Variants in SMG6 observed in about 807,000 individuals in gnomAD.
The protein encoded by SMG6 is SMG6 nonsense mediated mRNA decay factor.
Under a neutral mutation model 142.2 loss-of-function variants are expected in SMG6, and 66 were observed. That is an observed-to-expected ratio of 0.46 (90% confidence interval 0.38 to 0.57). The LOEUF is 0.57. SMG6 is among the 20% of genes least tolerant of loss of function. The probability of loss-of-function intolerance (pLI) is 0.00; values close to 1 mark genes in which losing one functional copy is unlikely to be tolerated. For synonymous variants in SMG6, 779 were observed against 702.4 expected, an observed-to-expected ratio of 1.11 and a Z score of -1.72; for missense variants, 1,793 against 1,832.0, an observed-to-expected ratio of 0.98 and a Z score of 0.39.
chr17:2,249,181 C>T (rs1421848620), intron 8 of SMG6, among the ~76,000 whole-genome samples: 1 of 152,130 alleles, frequency 6.6e-6, no homozygotes, highest in Non-Finnish European at 1.5e-5. Flanking sequence ...GCGTGAGCCA[C>T]CGCGAGAACT....
At chr17:2,125,723 C>T (rs1044138659) in intron 13 of SMG6, among the ~76,000 whole-genome samples, 4 of 152,106 alleles carry the variant, frequency 2.6e-5, no homozygotes, top group African/African-American at 4.8e-5. Flanking sequence ...GAGGCCAAAG[C>T]GGGCAGATTG....
rs552295262 is a variant in SMG6, at chr17:2,093,699, A to T, written c.3358-7798T>A. 5.8e-4 allele frequency among the ~76,000 whole-genome samples: 88 copies of T among 152,242 alleles called. No individual in the cohort carries two copies. In the East Asian group the frequency reaches 0.011, roughly 20 times the overall value. On this transcript the variant is annotated intron_variant, in intron 13 of 18. Transcript: ENST00000263073. Reference sequence around the variant, plus strand: ...TGAAGCTGCAAAAAAAATTTTTTTTAAATTTGTCCAGGCTGGAGTTTGCAG... The same window carrying T: ...TGAAGCTGCAAAAAAAATTTTTTTTTAATTTGTCCAGGCTGGAGTTTGCAG...
chr17:2,186,545 A>T (rs2151687987), intron 12 of SMG6, 118 bp downstream of exon 12: 2 of 1,193,278 alleles, frequency 1.7e-6, no homozygotes, highest in Middle Eastern at 5.5e-4. Flanking sequence ...AATAAAGAAG[A>T]AATAGAGAGG....
intron 15 of SMG6, among the ~76,000 whole-genome samples, chr17:2,075,711 G>C (rs77413851): frequency 1.3e-5 from 2 of 152,216 alleles, no homozygotes; most frequent in African/African-American, 4.8e-5. Flanking sequence ...ATGGCAATGG[G>C]AACAAAAAGA....
chr17:2,298,939 C>A lies in SMG6; in HGVS notation c.1814G>T (p.Ser605Ile), dbSNP rs1000858805. ...CGCCATCTTCTCCAGGCCCTCCGGACTGATGCGGTCCCTGGAGAGCAGGTT... is the reference window on the plus strand; with the variant it reads ...CGCCATCTTCTCCAGGCCCTCCGGAATGATGCGGTCCCTGGAGAGCAGGTT... ...LSNLLSRDRISPEGLEKMAQL... is the reference protein window; with the variant it reads ...LSNLLSRDRIIPEGLEKMAQL... Residue 605 changes from serine to isoleucine, a missense_variant, in exon 2 of 19, where the codon AGT becomes ATT. Around this residue, in one of 3 missense-constraint regions of SMG6, gnomAD observed 1,597 missense variants for 1,584.6 expected, o/e 1.01. Coordinates refer to ENST00000263073, the MANE Select transcript of SMG6 (RefSeq NM_017575.5). The A allele has an allele frequency of 1.1e-5, 17 of 1,614,048 alleles. No individual in the cohort carries two copies. The highest frequency in any genetic ancestry group is 1.4e-5 in the Non-Finnish European group (17 of 1,179,988).
At position 2,208,990 on chromosome 17, in the gene SMG6, G is replaced by A. The variant is rs1314658352; in HGVS notation, c.2870-20475C>T. Among the ~76,000 whole-genome samples the A allele has an allele frequency of 2.0e-5, 3 of 152,206 alleles. No individual in the cohort carries two copies. The East Asian group carries it at 5.8e-4, about 29-fold the overall frequency. On this transcript the variant is annotated intron_variant, in intron 10 of 18. Transcript: ENST00000263073. The stretch of plus-strand genomic sequence containing the variant: ...AGCTCAGGAATTCAAGACCAGCCTG[G>A]GCAACAAAGTGAGACTCCATCAAAA...
intron 13 of SMG6, among the ~76,000 whole-genome samples, chr17:2,098,087 C>T (rs914876408): frequency 2.6e-5 from 4 of 152,138 alleles, no homozygotes; most frequent in East Asian, 1.9e-4. Flanking sequence ...TTCTCAGACT[C>T]AGGTGATCCT....
At chr17:2,234,409 C>T (rs1249135342) in intron 10 of SMG6, among the ~76,000 whole-genome samples, 2 of 151,460 alleles carry the variant, frequency 1.3e-5, no homozygotes, top group Admixed American at 6.6e-5. Flanking sequence ...TTACAGGTGC[C>T]CACCACCAAG....
At chr17:2,276,193 T>C (rs1462586308) in intron 8 of SMG6, among the ~76,000 whole-genome samples, 1 of 152,208 alleles carries the variant, frequency 6.6e-6, no homozygotes, top group Non-Finnish European at 1.5e-5. Flanking sequence ...ACACAAACTT[T>C]GCCTTTCCTT....
chr17:2,107,154 ACT>A (rs1231111155), intron 13 of SMG6, among the ~76,000 whole-genome samples: 1 of 151,724 alleles, frequency 6.6e-6, no homozygotes, highest in African/African-American at 2.4e-5. Flanking sequence ...CTGTGCCCAG[ACT>A]CTATGCAGGA....
intron 12 of SMG6, among the ~76,000 whole-genome samples, chr17:2,184,466 T>C (rs1342144617): frequency 6.6e-6 from 1 of 151,368 alleles, no homozygotes; most frequent in Admixed American, 6.6e-5. Flanking sequence ...GAGACCAGCC[T>C]GGCCAACATA....
intron 1 of SMG6, among the ~76,000 whole-genome samples, chr17:2,301,964 T>C (rs978722820): frequency 6.6e-6 from 1 of 151,450 alleles, no homozygotes; most frequent in African/African-American, 2.4e-5. Flanking sequence ...TATAAAATCC[T>C]AGCATAGGCC....
chr17:2,298,958 G>A lies in SMG6; in HGVS notation c.1795C>T (p.Leu599Phe), dbSNP rs1262152334. The A allele has an allele frequency of 6.2e-7, 1 of 1,614,174 alleles. No homozygotes were observed. The highest frequency in any genetic ancestry group is 8.5e-7 in the Non-Finnish European group (1 of 1,180,038). The stretch of plus-strand genomic sequence containing the variant: ...TCCGGACTGATGCGGTCCCTGGAGA[G>A]CAGGTTGCTGAGCTGCAGTTCCTGG... ...DNQELQLSNLLSRDRISPEGL... is the reference protein window; with the variant it reads ...DNQELQLSNLFSRDRISPEGL... Residue 599 changes from leucine (L) to phenylalanine (F), a missense_variant, in exon 2 of 19, where the codon CTC becomes TTC. Physicochemically the swap from Leu to Phe is conservative, Grantham distance 22. This residue lies in a region of SMG6 where 1,597 missense variants were observed against 1,584.6 expected (regional missense o/e 1.01). Coordinates refer to ENST00000263073, the MANE Select transcript of SMG6 (RefSeq NM_017575.5).
At chr17:2,194,218 A>G (rs569077327) in intron 10 of SMG6, among the ~76,000 whole-genome samples, 1 of 152,376 alleles carries the variant, frequency 6.6e-6, no homozygotes, top group African/African-American at 2.4e-5. Context: ...CTGGAACCAC[A>G]AAGTATAGGG....
At chr17:2,303,416 C>T in intron 1 of SMG6, 1 of 1,256,964 alleles carries the variant, frequency 8.0e-7, no homozygotes, top group Non-Finnish European at 1.0e-6. Flanking sequence ...GAATTCGGGC[C>T]AGGCTCTCCC....
At chr17:2,155,045 G>C (rs1039079825) in intron 13 of SMG6, among the ~76,000 whole-genome samples, 11 of 145,210 alleles carry the variant, frequency 7.6e-5, no homozygotes, top group African/African-American at 1.3e-4. Context: ...AGTATACTCT[G>C]AGAAAAAAAA....
At chr17:2,137,982 T>C (rs1055950106) in intron 13 of SMG6, among the ~76,000 whole-genome samples, 8 of 151,806 alleles carry the variant, frequency 5.3e-5, no homozygotes, top group African/African-American at 4.9e-5. Context: ...GGGATGGCGG[T>C]TGGAGAGTAG....
chr17:2,111,652 C>T (rs1158272868), intron 13 of SMG6, among the ~76,000 whole-genome samples: 1 of 152,196 alleles, frequency 6.6e-6, no homozygotes, highest in East Asian at 1.9e-4. Context: ...GATCCTCCGG[C>T]CTTGGCCTCT....
Position 2,084,218 on chromosome 17 carries a change from G to C in SMG6, c.3534+1507C>G, listed in dbSNP as rs963457533. Among the ~76,000 whole-genome samples, 3 of 152,242 alleles carry C rather than the reference G, an allele frequency of 2.0e-5. No homozygotes were observed. In the South Asian group the frequency reaches 6.2e-4, roughly 31 times the overall value. ...CCTCAGCCTGAAAGTGCGGGTGAAA[G>C]AGCTGACGGAGGCACTGCTCCACCT... On this transcript the variant is annotated intron_variant, in intron 14 of 18. Coordinates refer to ENST00000263073, the MANE Select transcript of SMG6 (RefSeq NM_017575.5).
Sources: allele counts gnomAD v4.1 joint callset (sites outside exome capture counted in the v4.1 genomes callset), GRCh38; gene constraint gnomAD v4.1.1; regional missense constraint gnomAD v4.1.1; transcripts MANE v1.5; gene names NCBI Gene and HGNC (gene_info 2026-07-23, HGNC 2026-07-21).